The following LINGO2 variants were observed in gnomAD, a reference collection of about 807,000 sequenced individuals.
The protein encoded by LINGO2 is leucine-rich repeat and immunoglobulin-like domain-containing nogo receptor-interacting protein 2.
A neutral mutation model predicts 30.6 loss-of-function variants in LINGO2; 14 were observed. The observed-to-expected ratio is 0.46, with a 90% CI of 0.30 to 0.72. LINGO2 has a LOEUF of 0.72. Among genes scored for constraint, LINGO2 ranks in the 30% least tolerant of loss-of-function variants. The pLI is 0.07. For missense variants in LINGO2, 729 were observed against 751.7 expected (o/e 0.97, Z 0.35); for synonymous variants, 317 against 288.5 (o/e 1.10, Z -1.00).
intron 3 of LINGO2, among the ~76,000 whole-genome samples, chr9:28,349,889 C>T (rs1217338150): frequency 2.0e-5 from 3 of 152,032 alleles, no homozygotes; most frequent in Non-Finnish European, 4.4e-5. Flanking sequence ...ATTTCATATC[C>T]AGCCAAACTA....
chr9:28,899,107 G>C, the LINGO2 span, among the ~76,000 whole-genome samples: 1 of 152,142 alleles, frequency 6.6e-6, no homozygotes, highest in Non-Finnish European at 1.5e-5. Context: ...AGAGATTATA[G>C]CATCTGGGTA....
At chr9:28,603,838 C>G (rs1451110625) in intron 1 of LINGO2, among the ~76,000 whole-genome samples, 2 of 152,010 alleles carry the variant, frequency 1.3e-5, no homozygotes, top group Non-Finnish European at 2.9e-5. Context: ...TCTCCAACAG[C>G]AAAGCTGCAG....
intron 4 of LINGO2, among the ~76,000 whole-genome samples, chr9:28,123,575 CA>C (rs1396295944): frequency 6.6e-6 from 1 of 152,054 alleles, no homozygotes; most frequent in African/African-American, 2.4e-5. Context: ...ATCTGGCATT[CA>C]AAAATGCTTC....
the LINGO2 span, among the ~76,000 whole-genome samples, chr9:28,728,733 A>G: frequency 6.6e-6 from 1 of 152,128 alleles, no homozygotes; most frequent in African/African-American, 2.4e-5. Flanking sequence ...TGGGGCAAAA[A>G]GAGAGCAAAC....
At chr9:28,321,717 T>C (rs1825049523) in intron 3 of LINGO2, among the ~76,000 whole-genome samples, 2 of 152,164 alleles carry the variant, frequency 1.3e-5, no homozygotes, top group Admixed American at 1.3e-4. Flanking sequence ...CTCAATTTCA[T>C]TGTTGATCTG....
rs563802210 is a variant in LINGO2, at chr9:28,448,905, C to G, written c.-279+27035G>C. On this transcript the variant is annotated intron_variant, in intron 2 of 5. Transcript: ENST00000379992. The stretch of plus-strand genomic sequence containing the variant: ...AATGTAGGACAAGTCAGGGATATAT[C>G]AAGGGAACAAAGAAAAGCATTACCA... Among the ~76,000 whole-genome samples, 20 of 151,940 alleles carry G rather than the reference C, an allele frequency of 1.3e-4. No homozygotes were observed. The South Asian group carries it at 4.2e-3, about 32-fold the overall frequency.
intron 4 of LINGO2, among the ~76,000 whole-genome samples, chr9:28,092,384 A>G (rs1021083785): frequency 9.5e-4 from 144 of 152,218 alleles, no homozygotes; most frequent in African/African-American, 3.3e-3. Flanking sequence ...TGATGAGTTC[A>G]TGTCCTTTGT....
At chr9:27,958,651 A>G (rs1479971057) in intron 5 of LINGO2, among the ~76,000 whole-genome samples, 1 of 152,114 alleles carries the variant, frequency 6.6e-6, no homozygotes, top group Non-Finnish European at 1.5e-5. Context: ...GATAATTTAC[A>G]AATTAAACTT....
chr9:28,046,283 C>CATT (rs2133026244), intron 4 of LINGO2, among the ~76,000 whole-genome samples: 1 of 152,254 alleles, frequency 6.6e-6, no homozygotes, highest in Admixed American at 6.5e-5. Context: ...TGTACAGGAC[C>CATT]ATTAAGAATT....
rs1181687907 is a variant in LINGO2 at position 28,228,484 on chromosome 9, T to C, written c.-87+66724A>G. On this transcript the variant is annotated intron_variant, in intron 4 of 5. Coordinates refer to ENST00000379992, the Ensembl canonical transcript of LINGO2. ...GTATCTATAATTCCTTACAGGAAAATGTTGGGATTTGAAACTTTATAACCA... is the reference window on the plus strand; with the variant it reads ...GTATCTATAATTCCTTACAGGAAAACGTTGGGATTTGAAACTTTATAACCA... Among the ~76,000 whole-genome samples, 3 of 152,014 alleles carry C rather than the reference T, an allele frequency of 2.0e-5. No individual in the cohort carries two copies. The East Asian group carries it at 5.8e-4, about 29-fold the overall frequency.
At chr9:28,405,037 T>A (rs1018948688) in intron 2 of LINGO2, among the ~76,000 whole-genome samples, 1 of 152,026 alleles carries the variant, frequency 6.6e-6, no homozygotes, top group African/African-American at 2.4e-5. Context: ...TTTAAAAAGA[T>A]CTAACTCAAT....
intron 2 of LINGO2, among the ~76,000 whole-genome samples, chr9:28,399,763 G>A (rs1157084639): frequency 2.0e-5 from 3 of 152,064 alleles, no homozygotes; most frequent in Non-Finnish European, 4.4e-5. Flanking sequence ...ATTACATTAG[G>A]CATTATGTTA....
chr9:28,646,449 C>T (rs12346826), intron 1 of LINGO2, among the ~76,000 whole-genome samples: 42,322 of 151,894 alleles, frequency 0.28, 7,803 homozygotes, highest in African/African-American at 0.51. Context: ...GAACAATTAA[C>T]ACCTTTAAGA....
the LINGO2 span, among the ~76,000 whole-genome samples, chr9:28,827,031 T>C: frequency 2.0e-5 from 3 of 152,164 alleles, no homozygotes; most frequent in African/African-American, 7.2e-5. Flanking sequence ...GAATAAACCA[T>C]TGGTTTTGTG....
the LINGO2 span, among the ~76,000 whole-genome samples, chr9:28,920,409 C>T: frequency 4.6e-5 from 7 of 151,986 alleles, no homozygotes; most frequent in African/African-American, 1.4e-4. Context: ...TTCCTTGTAT[C>T]CTTTGTTCAC....
chr9:28,410,884 TA>T (rs927912116), intron 2 of LINGO2, among the ~76,000 whole-genome samples: 38 of 152,000 alleles, frequency 2.5e-4, no homozygotes, highest in African/African-American at 8.0e-4. Context: ...GCAAATGAGG[TA>T]AAAGTGCACA....
intron 4 of LINGO2, among the ~76,000 whole-genome samples, chr9:28,122,022 T>C (rs971961366): frequency 6.8e-6 from 1 of 146,982 alleles, no homozygotes; most frequent in Non-Finnish European, 1.5e-5. Context: ...AAAGATGAAT[T>C]GACTTACATG....
the LINGO2 span, among the ~76,000 whole-genome samples, chr9:29,060,906 G>T: frequency 1.3e-5 from 2 of 151,960 alleles, no homozygotes; most frequent in African/African-American, 4.8e-5. Context: ...AAGATCAGAA[G>T]TTTTAAGATG....
chr9:28,378,322 T>C (rs1821211835), intron 2 of LINGO2, among the ~76,000 whole-genome samples: 1 of 152,178 alleles, frequency 6.6e-6, no homozygotes, highest in Non-Finnish European at 1.5e-5. Context: ...ATTTATGCCA[T>C]TTTAAGCAGG....
Sources: gnomAD v4.1 joint callset for allele counts (sites outside exome capture counted in the v4.1 genomes callset) on GRCh38, gnomAD v4.1.1 for gene constraint, MANE v1.5 for transcripts, NCBI Gene and HGNC (gene_info 2026-07-23, HGNC 2026-07-21) for gene names.